Variants in NCOA2 observed in about 807,000 individuals in gnomAD.
The protein encoded by NCOA2 is nuclear receptor coactivator 2, also known as class E basic helix-loop-helix protein 75.
Under a neutral mutation model 145.1 loss-of-function variants are expected in NCOA2, and 21 were observed. That is an observed-to-expected ratio of 0.14 (90% CI 0.10 to 0.21). The LOEUF (loss-of-function observed/expected upper bound fraction) is 0.21. NCOA2 is among the 10% of genes least tolerant of loss of function. The pLI, the probability that NCOA2 is intolerant of heterozygous loss-of-function variation, is 1.00. For missense variants in NCOA2, 1,472 were observed against 1,837.6 expected, an observed-to-expected ratio of 0.80 and a Z score of 3.64; for synonymous variants, 619 against 637.5, an observed-to-expected ratio of 0.97 and a Z score of 0.44.
chr8:70,304,625 C>A (rs1827746609), intron 1 of NCOA2, among the ~76,000 whole-genome samples: 1 of 151,842 alleles, frequency 6.6e-6, no homozygotes, highest in Admixed American at 6.6e-5. Flanking sequence ...GCCACCATGC[C>A]CGGCTAATTT....
chr8:70,195,909 G>A (rs1346200120), intron 4 of NCOA2, among the ~76,000 whole-genome samples: 3 of 152,186 alleles, frequency 2.0e-5, no homozygotes, highest in Non-Finnish European at 4.4e-5. Flanking sequence ...AGCCACCTGT[G>A]AGAAGAGTGG....
At chr8:70,343,582 C>T (rs2136517834) in intron 1 of NCOA2, among the ~76,000 whole-genome samples, 2 of 151,842 alleles carry the variant, frequency 1.3e-5, no homozygotes, top group African/African-American at 2.4e-5. Flanking sequence ...GAGGCCGAGG[C>T]GGGCAGATCA....
intron 1 of NCOA2, among the ~76,000 whole-genome samples, chr8:70,335,144 AAAAAAAAAAGATC>A (rs1807465161): frequency 1.3e-5 from 2 of 149,576 alleles, no homozygotes; most frequent in South Asian, 2.1e-4. Flanking sequence ...AAAAAAAAAA[AAAAAAAAAAGATC>A]TCTCCCTATG....
At chr8:70,132,070 C>T in intron 15 of NCOA2, 68 bp from the exon 16 acceptor site, 1 of 1,479,744 alleles carries the variant, frequency 6.8e-7, no homozygotes, top group East Asian at 2.4e-5. Flanking sequence ...AATTCTTTAT[C>T]TCAAAGGTGA....
At chr8:70,248,077 A>C (rs1221041368) in intron 2 of NCOA2, among the ~76,000 whole-genome samples, 2 of 152,192 alleles carry the variant, frequency 1.3e-5, no homozygotes, top group African/African-American at 4.8e-5. Flanking sequence ...AGGGAATTAG[A>C]CTAGATAATT....
chr8:70,183,077 A>C (rs1302599109), intron 4 of NCOA2, among the ~76,000 whole-genome samples: 1 of 152,238 alleles, frequency 6.6e-6, no homozygotes, highest in Non-Finnish European at 1.5e-5. Flanking sequence ...TAAAATATAA[A>C]AACTGCTATT....
chr8:70,182,282 G>A (rs551802108), intron 4 of NCOA2, among the ~76,000 whole-genome samples: 1 of 152,300 alleles, frequency 6.6e-6, no homozygotes, highest in East Asian at 1.9e-4. Context: ...TTAACATCAT[G>A]ATTTCCCTTC....
At chr8:70,455,069 C>T in the NCOA2 span, among the ~76,000 whole-genome samples, 6 of 152,202 alleles carry the variant, frequency 3.9e-5, no homozygotes, top group African/African-American at 1.4e-4. Context: ...TTGAAAAGAA[C>T]ATTAAATCTA....
intron 1 of NCOA2, among the ~76,000 whole-genome samples, chr8:70,401,068 C>T (rs1814186797): frequency 6.6e-6 from 1 of 152,050 alleles, no homozygotes; most frequent in African/African-American, 2.4e-5. Flanking sequence ...GTGTGCCTAA[C>T]CTCACCAACA....
At chr8:70,418,727 A>G in the NCOA2 span, among the ~76,000 whole-genome samples, 1 of 152,210 alleles carries the variant, frequency 6.6e-6, no homozygotes, top group Non-Finnish European at 1.5e-5. Context: ...TGTGAAAACT[A>G]CTATTATAGA....
chr8:70,238,882 G>A (rs1563666245), intron 2 of NCOA2, among the ~76,000 whole-genome samples: 2 of 152,142 alleles, frequency 1.3e-5, no homozygotes, highest in African/African-American at 2.4e-5. Context: ...ATTCAGGACA[G>A]ATTCAGGCCC....
the NCOA2 span, among the ~76,000 whole-genome samples, chr8:70,429,900 C>T: frequency 2.9e-4 from 44 of 152,188 alleles, no homozygotes; most frequent in South Asian, 7.1e-3. Context: ...GAGACAGGGT[C>T]GCCCTCCGTC....
the NCOA2 span, among the ~76,000 whole-genome samples, chr8:70,426,614 A>G: frequency 6.6e-6 from 1 of 152,194 alleles, no homozygotes; most frequent in Non-Finnish European, 1.5e-5. Context: ...TACCCATTCA[A>G]TATTATTTGA....
At chr8:70,442,140 A>AAAGAAAGAAAGAAAGG in the NCOA2 span, among the ~76,000 whole-genome samples, 1 of 125,200 alleles carries the variant, frequency 8.0e-6, no homozygotes, top group Non-Finnish European at 1.6e-5. Flanking sequence ...AGAAAGAAAG[A>AAAGAAAGAAAGAAAGG]AAGAAAGAAA....
intron 12 of NCOA2, among the ~76,000 whole-genome samples, chr8:70,147,127 C>CGTGT (rs1195939923): frequency 7.0e-4 from 101 of 144,788 alleles, no homozygotes; most frequent in African/African-American, 2.1e-3. Flanking sequence ...CGCGCGCGCG[C>CGTGT]GTGTGTGTGT....
chr8:70,122,512 C>T (rs1389544755), intron 21 of NCOA2, among the ~76,000 whole-genome samples: 1 of 152,090 alleles, frequency 6.6e-6, no homozygotes, highest in African/African-American at 2.4e-5. Flanking sequence ...CCACTTCAGC[C>T]TCCTGAATAG....
intron 15 of NCOA2, among the ~76,000 whole-genome samples, chr8:70,136,605 A>G (rs1400500724): frequency 2.0e-5 from 3 of 151,992 alleles, no homozygotes; most frequent in African/African-American, 7.2e-5. Flanking sequence ...AATTAGCTAT[A>G]AATACATGAA....
chr8:70,241,487 TTGAAA>T (rs1822123465), intron 2 of NCOA2, among the ~76,000 whole-genome samples: 1 of 152,172 alleles, frequency 6.6e-6, no homozygotes, highest in Non-Finnish European at 1.5e-5. Flanking sequence ...CTTAACATAC[TTGAAA>T]TGAAACAGAA....
intron 1 of NCOA2, among the ~76,000 whole-genome samples, chr8:70,360,187 G>A (rs114671855): frequency 0.011 from 1,742 of 152,256 alleles, 43 homozygotes; most frequent in African/African-American, 0.04. Flanking sequence ...CAGGATCAAT[G>A]AGCAAATGAA....
Sources: allele counts gnomAD v4.1 joint callset (sites outside exome capture counted in the v4.1 genomes callset), GRCh38; gene constraint gnomAD v4.1.1; transcripts MANE v1.5; gene names NCBI Gene and HGNC (gene_info 2026-07-23, HGNC 2026-07-21).